Variants in RPS6KC1 observed in about 807,000 individuals in gnomAD.
RPS6KC1 encodes the protein inactive ribosomal protein S6 kinase delta-1.
RPS6KC1 carries 54 observed loss-of-function variants against 103.8 expected under a neutral mutation model. That is an observed-to-expected ratio of 0.52 (90% CI 0.42 to 0.65). The LOEUF is 0.65. RPS6KC1 is among the 30% of genes least tolerant of loss of function. The pLI is 0.00. For missense variants in RPS6KC1, 1,151 were observed against 1,253.8 expected, an observed-to-expected ratio of 0.92 and a Z score of 1.24; for synonymous variants, 439 against 438.7, an observed-to-expected ratio of 1.00 and a Z score of -0.01.
chr1:213,723,781 A>G, the RPS6KC1 span, among the ~76,000 whole-genome samples: 2 of 152,240 alleles, frequency 1.3e-5, no homozygotes, highest in Non-Finnish European at 2.9e-5. Flanking sequence ...GATGCTGGGG[A>G]TACATCACTG....
the RPS6KC1 span, among the ~76,000 whole-genome samples, chr1:213,367,633 C>G: frequency 4.6e-5 from 7 of 152,154 alleles, no homozygotes; most frequent in African/African-American, 1.7e-4. Context: ...GCATTGTTTC[C>G]TTCATTGAGA....
chr1:213,834,424 C>T, the RPS6KC1 span, among the ~76,000 whole-genome samples: 1 of 152,178 alleles, frequency 6.6e-6, no homozygotes, highest in South Asian at 2.1e-4. Context: ...GGAGCATCCT[C>T]TCTGGCACTG....
chr1:213,410,692 GC>G, the RPS6KC1 span, among the ~76,000 whole-genome samples: 1 of 152,136 alleles, frequency 6.6e-6, no homozygotes, highest in Non-Finnish European at 1.5e-5. Context: ...ATGGACACAG[GC>G]CTCACAGAGA....
At chr1:213,415,734 C>G in the RPS6KC1 span, among the ~76,000 whole-genome samples, 1 of 152,170 alleles carries the variant, frequency 6.6e-6, no homozygotes, top group Non-Finnish European at 1.5e-5. Flanking sequence ...CTCCCTATCA[C>G]CATTATTATA....
the RPS6KC1 span, among the ~76,000 whole-genome samples, chr1:213,673,649 T>C: frequency 2.2e-4 from 32 of 148,598 alleles, no homozygotes; most frequent in African/African-American, 8.4e-4. Context: ...GAAGTACTTT[T>C]TAGTACTAAG....
chr1:213,821,864 A>G, the RPS6KC1 span: 3 of 152,276 alleles, frequency 2.0e-5, no homozygotes, highest in Non-Finnish European at 4.4e-5. Context: ...GGCTTCAGAC[A>G]AGACAGGAGT....
chr1:213,427,092 C>T, the RPS6KC1 span, among the ~76,000 whole-genome samples: 1 of 152,252 alleles, frequency 6.6e-6, no homozygotes, highest in African/African-American at 2.4e-5. Context: ...GGCACAAACT[C>T]TCCCACTTCA....
chr1:213,609,180 G>A, the RPS6KC1 span, among the ~76,000 whole-genome samples: 5 of 152,320 alleles, frequency 3.3e-5, no homozygotes, highest in South Asian at 2.1e-4. Context: ...CATATACCAC[G>A]TATAAATGTC....
intron 3 of RPS6KC1, among the ~76,000 whole-genome samples, chr1:213,092,160 T>A (rs1381724476): frequency 6.6e-6 from 1 of 152,196 alleles, no homozygotes; most frequent in Non-Finnish European, 1.5e-5. Flanking sequence ...TAAAATGGTT[T>A]GACCTTGCTG....
the RPS6KC1 span, chr1:213,492,695 C>A: frequency 1.3e-5 from 2 of 152,250 alleles, no homozygotes; most frequent in African/African-American, 2.4e-5. Flanking sequence ...TGTTTCTGAG[C>A]GCTCCTGTGC....
chr1:213,451,443 G>A, the RPS6KC1 span, among the ~76,000 whole-genome samples: 6 of 152,262 alleles, frequency 3.9e-5, no homozygotes, highest in South Asian at 4.1e-4. Flanking sequence ...TAGTTCATCC[G>A]TGCAGTTGAC....
intron 1 of RPS6KC1, among the ~76,000 whole-genome samples, chr1:213,067,198 T>C (rs1292302981): frequency 6.6e-6 from 1 of 152,206 alleles, no homozygotes; most frequent in Non-Finnish European, 1.5e-5. Flanking sequence ...CTTGGGCACA[T>C]GTTGTCAGGA....
intron 12 of RPS6KC1, among the ~76,000 whole-genome samples, chr1:213,255,157 A>T (rs1372068436): frequency 6.6e-6 from 1 of 151,892 alleles, no homozygotes; most frequent in Non-Finnish European, 1.5e-5. Flanking sequence ...AAATAAAAAA[A>T]TTAGCCAAGT....
At chr1:213,111,788 A>G (rs186865468) in intron 4 of RPS6KC1, among the ~76,000 whole-genome samples, 41 of 152,322 alleles carry the variant, frequency 2.7e-4, no homozygotes, top group Non-Finnish European at 5.3e-4. Flanking sequence ...TTGTTTTAAC[A>G]TTAACTTTAT....
chr1:213,624,252 T>G, the RPS6KC1 span, among the ~76,000 whole-genome samples: 6 of 152,246 alleles, frequency 3.9e-5, no homozygotes, highest in Admixed American at 2.0e-4. Flanking sequence ...GCACTTGCTG[T>G]GTACTCAGCA....
At chr1:213,152,627 A>G (rs1339801251) in intron 6 of RPS6KC1, among the ~76,000 whole-genome samples, 1 of 142,758 alleles carries the variant, frequency 7.0e-6, no homozygotes, top group African/African-American at 2.7e-5. Context: ...GGCGCTCCCC[A>G]CATCTCAGAC....
At chr1:213,596,433 G>A in the RPS6KC1 span, among the ~76,000 whole-genome samples, 1 of 152,228 alleles carries the variant, frequency 6.6e-6, no homozygotes, top group Admixed American at 6.5e-5. Flanking sequence ...AGTTGAAGAA[G>A]ACAAGGCAGC....
chr1:213,829,268 CA>C, the RPS6KC1 span, among the ~76,000 whole-genome samples: 117 of 114,368 alleles, frequency 1.0e-3, no homozygotes, highest in East Asian at 3.2e-3. Context: ...TCGTTTGTTT[CA>C]AAAAAAAAAA....
chr1:213,834,160 C>G, the RPS6KC1 span, among the ~76,000 whole-genome samples: 18 of 152,138 alleles, frequency 1.2e-4, no homozygotes, highest in Non-Finnish European at 2.2e-4. Flanking sequence ...CCACTTCAGC[C>G]TCCCAAGTAG....
Sources: gnomAD v4.1 joint callset for allele counts (sites outside exome capture counted in the v4.1 genomes callset) on GRCh38, gnomAD v4.1.1 for gene constraint, MANE v1.5 for transcripts, NCBI Gene and HGNC (gene_info 2026-07-23, HGNC 2026-07-21) for gene names.